Variants in UHRF2 observed in about 807,000 individuals in gnomAD.
The protein encoded by UHRF2 is ubiquitin like with PHD and ring finger domains 2, also known as E3 ubiquitin-protein ligase UHRF2.
A neutral mutation model predicts 96.8 loss-of-function variants in UHRF2; 23 were observed. That is an observed-to-expected ratio of 0.24 (90% CI 0.17 to 0.34). UHRF2 has a LOEUF of 0.34. Among genes scored for constraint, UHRF2 ranks in the 10% least tolerant of loss-of-function variants. UHRF2 has a pLI of 1.00. For missense variants in UHRF2, 685 were observed against 981.5 expected, an observed-to-expected ratio of 0.70 and a Z score of 4.04; for synonymous variants, 385 against 332.6, an observed-to-expected ratio of 1.16 and a Z score of -1.72.
At chr9:6,465,604 A>G (rs914946967) in intron 4 of UHRF2, among the ~76,000 whole-genome samples, 9 of 152,100 alleles carry the variant, frequency 5.9e-5, no homozygotes, top group African/African-American at 1.9e-4. Flanking sequence ...CATCTTTTTA[A>G]TGTGTTAATC....
At chr9:6,482,638 C>G (rs1587857786) in intron 8 of UHRF2, among the ~76,000 whole-genome samples, 1 of 150,460 alleles carries the variant, frequency 6.6e-6, no homozygotes, top group East Asian at 2.0e-4. Flanking sequence ...GCTCTGTTGC[C>G]TAGGCTGGAG....
chr9:6,500,207 A>G (rs752989529), intron 13 of UHRF2, among the ~76,000 whole-genome samples: 14 of 152,140 alleles, frequency 9.2e-5, no homozygotes, highest in Non-Finnish European at 1.5e-4. Context: ...GGCTGAAGGG[A>G]TCCTCCTGCC....
At chr9:6,460,829 A>T in intron 4 of UHRF2, 38 bp downstream of exon 4, 1 of 1,556,734 alleles carries the variant, frequency 6.4e-7, no homozygotes, top group Non-Finnish European at 8.8e-7. Context: ...AATTAACTGA[A>T]TTGATCAAGG....
intron 2 of UHRF2, among the ~76,000 whole-genome samples, chr9:6,428,412 T>C (rs756470414): frequency 2.0e-5 from 3 of 152,120 alleles, no homozygotes; most frequent in South Asian, 4.1e-4. Context: ...TGTTCTTTAC[T>C]AACTTTCTTA....
chr9:6,506,923 T>C lies in UHRF2; in HGVS notation c.*744T>C, dbSNP rs1362595809. The C allele has an allele frequency of 6.5e-6, 1 of 152,680 alleles. No homozygotes were observed. Among genetic ancestry groups the C allele is most frequent in the Non-Finnish European group, 1.5e-5 (1 of 68,046 alleles). 9.5% of individuals were successfully genotyped at this position (152,680 alleles called of 1,614,324 possible). ...GCTTTTAGTGTCTCACCAGTGGTTT[T>C]ACATCTGCAGAGTTTTGAGGGCTGT... On this transcript the variant is annotated 3_prime_UTR_variant, in exon 16 of 16. Transcript: ENST00000276893.
intron 4 of UHRF2, among the ~76,000 whole-genome samples, chr9:6,462,324 TAA>T (rs770054900): frequency 1.4e-4 from 20 of 141,354 alleles, no homozygotes; most frequent in East Asian, 2.0e-4. Flanking sequence ...TCCTGAGATT[TAA>T]AAAAAAAAAA....
chr9:6,496,438 C>G (rs1277226661), intron 10 of UHRF2: 1 of 152,166 alleles, frequency 6.6e-6, no homozygotes, highest in Non-Finnish European at 1.5e-5. Context: ...ATCTAATAAG[C>G]TCATTGATTT....
intron 4 of UHRF2, among the ~76,000 whole-genome samples, chr9:6,463,435 A>G (rs504698): frequency 0.68 from 104,031 of 152,062 alleles, 37,570 homozygotes; most frequent in South Asian, 0.81. Context: ...TAGGAACACA[A>G]TAGCTAAAAA....
At chr9:6,477,526 C>CCA (rs1587850874) in intron 5 of UHRF2, 96 bp from the exon 6 acceptor site, 2 of 1,217,978 alleles carry the variant, frequency 1.6e-6, no homozygotes, top group Non-Finnish European at 2.2e-6. Flanking sequence ...AACTCCATTT[C>CCA]AAAAAAAATG....
intron 4 of UHRF2, among the ~76,000 whole-genome samples, chr9:6,469,784 A>G (rs1037375433): frequency 4.0e-5 from 6 of 150,244 alleles, no homozygotes; most frequent in Middle Eastern, 3.5e-3. Flanking sequence ...GTGTATATAT[A>G]TGTATATATG....
chr9:6,444,320 G>A (rs567367933), intron 3 of UHRF2, among the ~76,000 whole-genome samples: 15 of 152,154 alleles, frequency 9.9e-5, no homozygotes, highest in Non-Finnish European at 2.2e-4. Flanking sequence ...GCTCCTGAGT[G>A]GATGGTAATC....
At chr9:6,471,568 A>G (rs532247319) in intron 4 of UHRF2, among the ~76,000 whole-genome samples, 18 of 152,306 alleles carry the variant, frequency 1.2e-4, no homozygotes, top group South Asian at 6.2e-4. Context: ...AGCCAGTTGC[A>G]TGTGATGAGG....
At chr9:6,486,277 T>C (rs1054984521) in intron 8 of UHRF2, among the ~76,000 whole-genome samples, 6 of 152,170 alleles carry the variant, frequency 3.9e-5, no homozygotes, top group African/African-American at 1.2e-4. Flanking sequence ...CAAACTACGA[T>C]TGAACAGTGG....
chr9:6,440,659 C>T (rs1351331413), intron 3 of UHRF2, among the ~76,000 whole-genome samples: 1 of 152,196 alleles, frequency 6.6e-6, no homozygotes, highest in Non-Finnish European at 1.5e-5. Context: ...TTAGGGTATC[C>T]TGCCAAATTT....
At chr9:6,502,855 C>T (rs1467844289) in intron 14 of UHRF2, among the ~76,000 whole-genome samples, 1 of 152,120 alleles carries the variant, frequency 6.6e-6, no homozygotes, top group Non-Finnish European at 1.5e-5. Flanking sequence ...ACATAATTGC[C>T]ATATTTTAAA....
At chr9:6,451,531 C>T (rs1314865843) in intron 3 of UHRF2, among the ~76,000 whole-genome samples, 2 of 151,134 alleles carry the variant, frequency 1.3e-5, no homozygotes, top group Non-Finnish European at 2.9e-5. Flanking sequence ...GGTTGGAGTG[C>T]AGTGGCGCGA....
intron 5 of UHRF2, among the ~76,000 whole-genome samples, chr9:6,476,930 C>CT: frequency 6.6e-6 from 1 of 152,220 alleles, no homozygotes; most frequent in African/African-American, 2.4e-5. Context: ...CTTGATTATT[C>CT]TTTTTGGTTC....
At position 6,413,407 on chromosome 9, in the gene UHRF2, G is replaced by C; in HGVS notation, c.-84G>C. ...CCTGCCGCTGAGGGCCCGAGCCGCA[G>C]GGAAAGCGGCGCGGGCCGGGCGGGG... On this transcript the variant is annotated 5_prime_UTR_variant, in exon 1 of 16. Coordinates refer to ENST00000276893, the MANE Select transcript of UHRF2 (RefSeq NM_152896.3). The C allele has an allele frequency of 1.6e-6, 2 of 1,269,986 alleles. No individual in the cohort carries two copies. The highest frequency in any genetic ancestry group is 2.0e-6 in the Non-Finnish European group (2 of 993,594). 78.7% of individuals were successfully genotyped at this position (1,269,986 alleles called of 1,614,324 possible).
At chr9:6,434,287 G>A (rs1820710456) in intron 3 of UHRF2, 114 bp downstream of exon 3, 3 of 1,309,316 alleles carry the variant, frequency 2.3e-6, no homozygotes, top group Non-Finnish European at 3.0e-6. Flanking sequence ...TAGAGGTTAT[G>A]TTCATTTGTT....
Sources: allele counts gnomAD v4.1 joint callset (sites outside exome capture counted in the v4.1 genomes callset), GRCh38; gene constraint gnomAD v4.1.1; transcripts MANE v1.5; gene names NCBI Gene and HGNC (gene_info 2026-07-23, HGNC 2026-07-21).